The following MARCHF1 variants were observed in gnomAD, a reference collection of about 807,000 sequenced individuals.
MARCHF1 encodes E3 ubiquitin-protein ligase MARCHF1.
In MARCHF1, 40 loss-of-function variants were observed where a neutral mutation model predicts 54.2. That is an observed-to-expected ratio of 0.74 (90% CI 0.57 to 0.96). The LOEUF is 0.96. Ranked by LOEUF, MARCHF1 falls within the 40% of genes least tolerant of loss-of-function variation. MARCHF1 has a pLI of 0.00. For missense variants in MARCHF1, 586 were observed against 656.5 expected (o/e 0.89, Z 1.17); for synonymous variants, 236 against 236.3 (o/e 1.00, Z 0.01).
chr4:163,862,974 T>C (rs903194986), intron 3 of MARCHF1, among the ~76,000 whole-genome samples: 4 of 152,056 alleles, frequency 2.6e-5, no homozygotes, highest in African/African-American at 9.7e-5. Flanking sequence ...AGGTGCTACT[T>C]TCTGTATGAT....
chr4:163,854,438 T>C (rs1047834073), intron 3 of MARCHF1, among the ~76,000 whole-genome samples: 1 of 152,188 alleles, frequency 6.6e-6, no homozygotes, highest in African/African-American at 2.4e-5. Flanking sequence ...TGAGAATTCC[T>C]TGTGCCAGGT....
At chr4:163,910,427 C>T (rs1447633104) in intron 3 of MARCHF1, among the ~76,000 whole-genome samples, 1 of 152,182 alleles carries the variant, frequency 6.6e-6, no homozygotes, top group African/African-American at 2.4e-5. Context: ...GCACTGTGAC[C>T]TATTGCTATA....
chr4:164,049,580 C>T (rs947852647), intron 2 of MARCHF1, among the ~76,000 whole-genome samples: 1 of 152,142 alleles, frequency 6.6e-6, no homozygotes, highest in African/African-American at 2.4e-5. Flanking sequence ...ATCTACCACA[C>T]TGATTTCCTT....
intron 3 of MARCHF1, among the ~76,000 whole-genome samples, chr4:163,898,338 A>G (rs1335648075): frequency 6.6e-6 from 1 of 152,146 alleles, no homozygotes; most frequent in African/African-American, 2.4e-5. Context: ...TCAAACAACA[A>G]AAAAGCAAAC....
rs932603528 is a variant in MARCHF1, at chr4:164,240,299, C to T, written c.-322-128637G>A. Among the ~76,000 whole-genome samples the T allele has an allele frequency of 5.9e-5, 9 of 152,318 alleles. No homozygotes were observed. The South Asian group carries it at 1.7e-3, about 28-fold the overall frequency. On this transcript the variant is annotated intron_variant, in intron 1 of 9. Coordinates refer to ENST00000514618, the MANE Select transcript of MARCHF1 (RefSeq NM_001394959.1). Reference sequence around the variant, plus strand: ...TAGAGGTGATCACAAAGTACCAGCACGTGGGAGTAGCTTGACTATGTTTTA... The same window carrying T: ...TAGAGGTGATCACAAAGTACCAGCATGTGGGAGTAGCTTGACTATGTTTTA...
At chr4:164,209,627 A>T (rs894121921) in intron 1 of MARCHF1, among the ~76,000 whole-genome samples, 14 of 152,314 alleles carry the variant, frequency 9.2e-5, no homozygotes, top group African/African-American at 3.4e-4. Context: ...AGCAAAACAA[A>T]ACAAGAAATA....
chr4:163,580,798 G>GT (rs539868861), intron 8 of MARCHF1, among the ~76,000 whole-genome samples: 46,065 of 105,214 alleles, frequency 0.44, 14,279 homozygotes, highest in Middle Eastern at 0.63. Flanking sequence ...AAGTATTAAA[G>GT]TTTTTTTTTT....
At chr4:163,890,645 C>A (rs1193181549) in intron 3 of MARCHF1, among the ~76,000 whole-genome samples, 1 of 152,056 alleles carries the variant, frequency 6.6e-6, no homozygotes, top group African/African-American at 2.4e-5. Flanking sequence ...TGCTTAGGAC[C>A]AGGAGTGTTT....
Position 163,872,900 on chromosome 4 carries a change from CG to C in MARCHF1, c.-38-18732del, listed in dbSNP as rs1254571003. 2.4e-4 allele frequency among the ~76,000 whole-genome samples: 36 copies of C among 151,986 alleles called. 1 individual carries two copies. The East Asian group carries it at 6.2e-3, about 26-fold the overall frequency. ...TCTACTAAAAATACAAAAAATTAGC[CG>C]GGCGTGGTGGCGGGCGCCTGTAGTC... On this transcript the variant is annotated intron_variant, in intron 3 of 9. Transcript: ENST00000514618.
rs551780302 is a variant in MARCHF1, at chr4:164,088,412, G to T, written c.-248+23176C>A. Reference sequence around the variant, plus strand: ...ACATAAAATATTATTCATAATCTGGGGTGAAGGCTCAGAAAGCATCTGTTT... The same window carrying T: ...ACATAAAATATTATTCATAATCTGGTGTGAAGGCTCAGAAAGCATCTGTTT... On this transcript the variant is annotated intron_variant, in intron 2 of 9. Coordinates refer to ENST00000514618, the MANE Select transcript of MARCHF1 (RefSeq NM_001394959.1). Among the ~76,000 whole-genome samples, 4 of 152,192 alleles carry T rather than the reference G, an allele frequency of 2.6e-5. No individual in the cohort carries two copies. In the East Asian group the frequency reaches 5.8e-4, roughly 22 times the overall value.
intron 8 of MARCHF1, among the ~76,000 whole-genome samples, chr4:163,561,887 G>A (rs1414684889): frequency 6.6e-6 from 1 of 152,126 alleles, no homozygotes; most frequent in Non-Finnish European, 1.5e-5. Context: ...TATAGCTACT[G>A]ACTTGCTTAC....
chr4:164,196,910 G>T (rs1455373298), intron 1 of MARCHF1: 5 of 1,450,058 alleles, frequency 3.4e-6, no homozygotes, highest in Non-Finnish European at 4.8e-6. Flanking sequence ...GATTGGAGGG[G>T]GGAGGGGATA....
At chr4:163,538,933 T>G (rs937539621) in intron 9 of MARCHF1, among the ~76,000 whole-genome samples, 14 of 152,176 alleles carry the variant, frequency 9.2e-5, no homozygotes, top group Admixed American at 8.5e-4. Flanking sequence ...AATAGGACAA[T>G]AGGAAACACA....
intron 3 of MARCHF1, among the ~76,000 whole-genome samples, chr4:163,869,170 C>A (rs1750118007): frequency 6.6e-6 from 1 of 151,806 alleles, no homozygotes; most frequent in Non-Finnish European, 1.5e-5. Context: ...ATGTGTAGTT[C>A]AAAGACTACG....
intron 1 of MARCHF1, among the ~76,000 whole-genome samples, chr4:164,206,873 A>T (rs1054388786): frequency 6.6e-6 from 1 of 151,940 alleles, no homozygotes; most frequent in South Asian, 2.1e-4. Context: ...CAAAGGAAAA[A>T]ACTCTGTAAA....
At chr4:163,794,186 G>A (rs1579292006) in intron 4 of MARCHF1, among the ~76,000 whole-genome samples, 1 of 152,290 alleles carries the variant, frequency 6.6e-6, no homozygotes, top group East Asian at 1.9e-4. Flanking sequence ...TGTGATTCCA[G>A]CTAACATCAG....
intron 1 of MARCHF1, among the ~76,000 whole-genome samples, chr4:164,244,117 T>C (rs1732865579): frequency 6.6e-6 from 1 of 151,972 alleles, no homozygotes. Flanking sequence ...CTGATAGACA[T>C]CTACAGAACT....
intron 4 of MARCHF1, among the ~76,000 whole-genome samples, chr4:163,812,934 A>G (rs1030134477): frequency 1.3e-5 from 2 of 152,150 alleles, no homozygotes; most frequent in Non-Finnish European, 2.9e-5. Context: ...GAAACACAGA[A>G]CTCTTCACAC....
intron 3 of MARCHF1, among the ~76,000 whole-genome samples, chr4:163,865,841 A>G (rs551039973): frequency 6.6e-6 from 1 of 151,830 alleles, no homozygotes; most frequent in South Asian, 2.1e-4. Flanking sequence ...TATCATTTAT[A>G]TGAATATAGT....
Sources: gnomAD v4.1 joint callset for allele counts (sites outside exome capture counted in the v4.1 genomes callset) on GRCh38, gnomAD v4.1.1 for gene constraint, MANE v1.5 for transcripts, NCBI Gene and HGNC (gene_info 2026-07-23, HGNC 2026-07-21) for gene names.